CP: variants seen among roughly 807,000 people sequenced by gnomAD.
CP encodes ceruloplasmin.
CP carries 64 observed loss-of-function variants against 122.4 expected under a neutral mutation model. The observed-to-expected ratio is 0.52, with a 90% CI of 0.43 to 0.64. The LOEUF (loss-of-function observed/expected upper bound fraction) is 0.64, where lower values mean the gene tolerates loss of function less well. CP is among the 30% of genes least tolerant of loss of function. The pLI is 0.00. For missense variants in CP, 1,167 were observed against 1,284.4 expected (o/e 0.91, Z 1.40); for synonymous variants, 440 against 436.4 (o/e 1.01, Z -0.10).
Position 149,177,824 on chromosome 3 carries a change from C to T in CP, c.3018+16G>A. The stretch of plus-strand genomic sequence containing the variant: ...TTTCAAACAGAGCAAGAGTAATTGC[C>T]ATGGATAGCTCTTACCTTGTATTGG... On this transcript the variant is annotated intron_variant, in intron 17 of 18. Transcript: ENST00000264613. The T allele has an allele frequency of 1.9e-6, 3 of 1,612,418 alleles. 1 individual carries two copies. The South Asian group carries it at 3.3e-5, about 18-fold the overall frequency.
At chr3:149,208,211 G>C (rs186497406) in intron 4 of CP, among the ~76,000 whole-genome samples, 3 of 152,004 alleles carry the variant, frequency 2.0e-5, no homozygotes, top group Admixed American at 2.0e-4. Context: ...CATAGGCAAG[G>C]TGGCCTGAAA....
chr3:149,220,486 A>G (rs1318892076), intron 1 of CP, among the ~76,000 whole-genome samples: 9 of 132 alleles, frequency 0.068, no homozygotes, highest in African/African-American at 0.17. Context: ...CCTTAAAACC[A>G]GGTTAAAAAA....
At chr3:149,183,631 A>T (rs1725937852) in intron 12 of CP, 26 bp from the exon 13 acceptor site, 1 of 1,476,148 alleles carries the variant, frequency 6.8e-7, no homozygotes, top group Non-Finnish European at 9.3e-7. Flanking sequence ...AACTAAGGTT[A>T]GTATTTGTCT....
intron 14 of CP, chr3:149,180,236 C>G (rs886886085): frequency 2.5e-5 from 4 of 158,972 alleles, no homozygotes; most frequent in Admixed American, 6.0e-5. Context: ...TTATGTTTAC[C>G]TCCCCCTCCA....
chr3:149,163,682 A>T (rs1195815447), intron 5 of CP, among the ~76,000 whole-genome samples: 1 of 152,206 alleles, frequency 6.6e-6, no homozygotes, highest in East Asian at 1.9e-4. Flanking sequence ...AATATTTTCC[A>T]GGGGAAAAAT....
chr3:149,197,787 T>A (rs13075891), intron 9 of CP, among the ~76,000 whole-genome samples: 14,003 of 152,190 alleles, frequency 0.092, 711 homozygotes, highest in Middle Eastern at 0.11. Context: ...TTTGCGCTCG[T>A]ATGAGAATCT....
intron 4 of CP, 99 bp downstream of exon 4, chr3:149,209,112 C>CT (rs1727936476): frequency 6.9e-7 from 1 of 1,458,196 alleles, no homozygotes; most frequent in Non-Finnish European, 9.6e-7. Flanking sequence ...GGACCACAGA[C>CT]TAGACACACA....
intron 1 of CP, among the ~76,000 whole-genome samples, chr3:149,214,379 G>A (rs1728319656): frequency 6.6e-6 from 1 of 152,106 alleles, no homozygotes; most frequent in Non-Finnish European, 1.5e-5. Context: ...TTTCTATGAT[G>A]AGCGTTTCCT....
At chr3:149,193,063 A>G (rs1252587274) in intron 9 of CP, among the ~76,000 whole-genome samples, 3 of 152,086 alleles carry the variant, frequency 2.0e-5, no homozygotes, top group Non-Finnish European at 4.4e-5. Flanking sequence ...TGTATGTGGT[A>G]TACTCTGACA....
In CP at chr3:149,173,603, C is replaced by T. The variant is rs1176958704; in HGVS notation, c.*111G>A. On this transcript the variant is annotated 3_prime_UTR_variant, in exon 19 of 19. Coordinates refer to ENST00000264613, the MANE Select transcript of CP (RefSeq NM_000096.4). Reference sequence around the variant, plus strand: ...TACAAAGTTGTATGCTTCCAGTCTTCTTTTAATGTTTATAGTCATTCCAAA... The same window carrying T: ...TACAAAGTTGTATGCTTCCAGTCTTTTTTTAATGTTTATAGTCATTCCAAA... 1.1e-5 allele frequency: 8 copies of T among 760,624 alleles called. No individual in the cohort carries two copies. In the East Asian group the frequency reaches 2.3e-4, roughly 22 times the overall value. 47.1% of individuals were successfully genotyped at this position (760,624 alleles called of 1,614,324 possible). A position where few individuals can be genotyped will look rare whatever the true frequency, so the allele number is the denominator to read the frequency against.
At chr3:149,162,770 A>G in exon 6 of CP, 2 of 1,613,950 alleles carry the variant, frequency 1.2e-6, no homozygotes, top group Non-Finnish European at 1.7e-6. Context: ...CATGTCTCCC[A>G]GATGTGGTAC....
chr3:149,218,508 C>A (rs1157374805), intron 1 of CP, among the ~76,000 whole-genome samples: 2 of 152,042 alleles, frequency 1.3e-5, no homozygotes, highest in Admixed American at 6.5e-5. Context: ...TTAGTCCCCC[C>A]CAAAACCTAT....
rs1468873283 is a variant in CP at position 149,207,435 on chromosome 3, A to G, written c.964T>C (p.Phe322Leu). 1.9e-6 allele frequency: 3 copies of G among 1,613,910 alleles called. No homozygotes were observed. In the African/African-American group the frequency reaches 4.0e-5, roughly 22 times the overall value. The change falls in exon 5 of 19, where the codon TTT becomes CTT. Residue 322 changes from phenylalanine to leucine, a missense_variant. By Grantham distance (22) the Phe-to-Leu change is conservative. Transcript: ENST00000264613. Reference protein sequence around the residue: ...DTINLFPATLFDAYMVAQNPG... With the variant: ...DTINLFPATLLDAYMVAQNPG... ...TTCTGGGCCACCATATAAGCATCAA[A>G]CAGGGTAGCAGGAAAGAGGTTGATT...
chr3:149,186,266 T>C (rs1421069436), intron 11 of CP: 2 of 534,898 alleles, frequency 3.7e-6, no homozygotes, highest in East Asian at 3.3e-5. Flanking sequence ...AGGGATCATC[T>C]TGAGGAGCCT....
At chr3:149,169,872 A>G (rs553573243), downstream of CP, among the ~76,000 whole-genome samples, 7 of 152,236 alleles carry the variant, frequency 4.6e-5, no homozygotes, top group Non-Finnish European at 8.8e-5. Flanking sequence ...AGAAATTTTC[A>G]ACCTTTGACA....
Position 149,173,514 on chromosome 3 carries a change from G to A in CP, c.*200C>T, listed in dbSNP as rs1040192997. 4.4e-6 allele frequency: 2 copies of A among 449,606 alleles called. No homozygotes were observed. Among genetic ancestry groups the A allele is most frequent in the African/African-American group, 2.0e-5 (1 of 49,384 alleles). The allele number at this position is 449,606 out of a possible 1,614,324, so 27.9% of individuals were successfully genotyped here. A position where few individuals can be genotyped will look rare whatever the true frequency, so the allele number is the denominator to read the frequency against. ...TACCTAGTGTACAAGTGTCAGTCAT[G>A]TATCATTATATAGTCTGTTGATCTT... On this transcript the variant is annotated 3_prime_UTR_variant, in exon 19 of 19. Transcript: ENST00000264613.
intron 15 of CP, among the ~76,000 whole-genome samples, chr3:149,178,850 C>T (rs1392202262): frequency 6.6e-6 from 1 of 152,164 alleles, no homozygotes; most frequent in Non-Finnish European, 1.5e-5. Context: ...GCTGACATAA[C>T]AGAAATGTCT....
chr3:149,184,603 G>A (rs1726028673), intron 12 of CP, among the ~76,000 whole-genome samples: 1 of 152,130 alleles, frequency 6.6e-6, no homozygotes, highest in Admixed American at 6.5e-5. Flanking sequence ...TGAAGAAAGG[G>A]CTAACTAGAA....
At chr3:149,180,546 C>T (rs1725709854) in intron 14 of CP, among the ~76,000 whole-genome samples, 1 of 152,208 alleles carries the variant, frequency 6.6e-6, no homozygotes. Context: ...ATTACATATT[C>T]ATGCTATCAC....
Sources: gnomAD v4.1 joint callset for allele counts (sites outside exome capture counted in the v4.1 genomes callset) on GRCh38, gnomAD v4.1.1 for gene constraint, MANE v1.5 for transcripts, NCBI Gene and HGNC (gene_info 2026-07-23, HGNC 2026-07-21) for gene names.